The following UNC80 variants were observed in gnomAD, a reference collection of about 807,000 sequenced individuals.
UNC80 encodes the protein unc-80 subunit of NALCN channel complex.
Under a neutral mutation model 384.6 loss-of-function variants are expected in UNC80, and 164 were observed. The ratio of observed to expected loss-of-function variants is 0.43; its 90% CI spans 0.38 to 0.49. The LOEUF is 0.49. UNC80 is among the 20% of genes least tolerant of loss of function. The pLI, the probability that UNC80 is intolerant of heterozygous loss-of-function variation, is 0.00. For synonymous variants in UNC80, 1,486 were observed against 1,527.8 expected (o/e 0.97, Z 0.64); for missense variants, 3,330 against 4,143.0 (o/e 0.80, Z 5.39).
intron 28 of UNC80, among the ~76,000 whole-genome samples, chr2:209,902,610 T>A (rs931189285): frequency 4.6e-5 from 7 of 152,170 alleles, no homozygotes; most frequent in Non-Finnish European, 5.9e-5. Context: ...CTCTCATCAG[T>A]CAGCAGCCCT....
At chr2:209,944,336 C>T (rs1251738461) in intron 45 of UNC80, among the ~76,000 whole-genome samples, 1 of 152,120 alleles carries the variant, frequency 6.6e-6, no homozygotes, top group East Asian at 1.9e-4. Context: ...GAGATTTTAC[C>T]ACCATATCAC....
Position 209,997,939 on chromosome 2 carries a change from G to A in UNC80, c.*2344G>A, listed in dbSNP as rs2093506804. The A allele has an allele frequency of 6.6e-6, 1 of 151,760 alleles. No homozygotes were observed. The highest frequency in any genetic ancestry group is 2.4e-5 in the African/African-American group (1 of 41,266). The allele number at this position is 151,760 out of a possible 1,614,324, so 9.4% of individuals were successfully genotyped here. On this transcript the variant is annotated 3_prime_UTR_variant, in exon 65 of 65. Coordinates refer to ENST00000673920, the MANE Select transcript of UNC80 (RefSeq NM_001371986.1). ...AATACTGTTACCTGGAGTTTGAAAG[G>A]AATAACTATTAAAAAAAAAAGTTGG...
At position 209,772,013 on chromosome 2, in the gene UNC80, G is replaced by A; in HGVS notation, c.-60G>A. 1 of 1,284,740 alleles carries A rather than the reference G, an allele frequency of 7.8e-7. No homozygotes were observed. The highest frequency in any genetic ancestry group is 1.1e-6 in the Non-Finnish European group (1 of 907,208). The allele number at this position is 1,284,740 out of a possible 1,614,324, so 79.6% of individuals were successfully genotyped here. A position where few individuals can be genotyped will look rare whatever the true frequency, so the allele number is the denominator to read the frequency against. On this transcript the variant is annotated 5_prime_UTR_variant, in exon 1 of 65. Transcript: ENST00000673920. ...TTGGGAGCAGCGGGAGGAGGCGGCG[G>A]CGGCGGCTAGCGAGGAGACAGAGCT...
chr2:209,929,764 C>A (rs969623520), intron 36 of UNC80, 107 bp from the exon 37 acceptor site: 1 of 811,806 alleles, frequency 1.2e-6, no homozygotes, highest in South Asian at 2.0e-5. Flanking sequence ...TTCACAGAGC[C>A]TTTTAAGGCA....
chr2:209,895,866 A>G (rs1488448161), intron 27 of UNC80, among the ~76,000 whole-genome samples: 1 of 152,198 alleles, frequency 6.6e-6, no homozygotes, highest in Non-Finnish European at 1.5e-5. Flanking sequence ...TCTGGTAGCA[A>G]AGCCTGGTGG....
chr2:209,825,502 A>C lies in UNC80; in HGVS notation c.2332-405A>C, dbSNP rs183082425. ...CTCCAGACTTTGATCAGTTGCAGAA[A>C]CTTGGCAGTAATCCTTTCCTGGTGT... On this transcript the variant is annotated intron_variant, in intron 13 of 64. Coordinates refer to ENST00000673920, the MANE Select transcript of UNC80 (RefSeq NM_001371986.1). Among the ~76,000 whole-genome samples the C allele has an allele frequency of 5.3e-3, 804 of 152,304 alleles. 4 individuals are homozygous for C. Among genetic ancestry groups the C allele is most frequent in the Non-Finnish European group, 8.4e-3 (573 of 68,024 alleles).
chr2:209,813,031 A>G (rs929392662), intron 7 of UNC80, among the ~76,000 whole-genome samples: 1 of 152,198 alleles, frequency 6.6e-6, no homozygotes, highest in Non-Finnish European at 1.5e-5. Context: ...AGCATTTTGT[A>G]GCTTTTCCTT....
At chr2:209,812,880 T>A (rs888819489) in intron 7 of UNC80, among the ~76,000 whole-genome samples, 2 of 152,190 alleles carry the variant, frequency 1.3e-5, no homozygotes, top group African/African-American at 4.8e-5. Context: ...AATGAATATA[T>A]TATGTGTTCA....
intron 7 of UNC80, chr2:209,809,383 C>A: frequency 9.2e-7 from 1 of 1,083,820 alleles, no homozygotes; most frequent in Non-Finnish European, 1.4e-6. Context: ...GGGCCATGTC[C>A]GGACCCACAC....
At position 209,836,930 on chromosome 2, in the gene UNC80, C is replaced by T. The variant is rs568820173; in HGVS notation, c.3041+1920C>T. Among the ~76,000 whole-genome samples, 66 of 152,250 alleles carry T rather than the reference C, an allele frequency of 4.3e-4. 1 individual carries two copies. Among genetic ancestry groups the T allele is most frequent in the African/African-American group, 1.4e-3 (59 of 41,554 alleles). ...TATTGAGGAAATTGAGAAATTATAG[C>T]CTCCCCAGATGTTTTTCCAGCCAGA... On this transcript the variant is annotated intron_variant, in intron 18 of 64. Transcript: ENST00000673920.
At position 209,937,496 on chromosome 2, in the gene UNC80, T is replaced by A. The variant is rs561328034; in HGVS notation, c.6364-33T>A. ...AGAAAAGATGTTTAATCTTTTGAAC[T>A]CTTTTTTTTGTCTCTTTATGTAATC... On this transcript the variant is annotated intron_variant, in intron 41 of 64. Transcript: ENST00000673920. 3.9e-5 allele frequency: 56 copies of A among 1,442,538 alleles called. No homozygotes were observed. The South Asian group carries it at 6.8e-4, about 17-fold the overall frequency. 89.4% of individuals were successfully genotyped at this position (1,442,538 alleles called of 1,614,324 possible).
chr2:209,904,998 A>C, intron 29 of UNC80, 33 bp downstream of exon 29: 1 of 1,544,206 alleles, frequency 6.5e-7, no homozygotes, highest in Non-Finnish European at 8.8e-7. Flanking sequence ...ATATTCTAAT[A>C]CTAGAAACAT....
At position 209,902,035 on chromosome 2, in the gene UNC80, G is replaced by T. The variant is rs111954547; in HGVS notation, c.4582-2730G>T. Among the ~76,000 whole-genome samples, 267 of 152,182 alleles carry T rather than the reference G, an allele frequency of 1.8e-3. 1 individual carries two copies. Among genetic ancestry groups the T allele is most frequent in the African/African-American group, 6.2e-3 (259 of 41,508 alleles). ...AAGTAAATTGAAAGCTTCTGGAAAT[G>T]ACTCACCATTCTAGATGTCATTAAG... On this transcript the variant is annotated intron_variant, in intron 28 of 64. Transcript: ENST00000673920.
intron 7 of UNC80, among the ~76,000 whole-genome samples, chr2:209,806,127 A>G (rs2078880527): frequency 6.6e-6 from 1 of 152,210 alleles, no homozygotes; most frequent in Admixed American, 6.5e-5. Flanking sequence ...TAAACATATC[A>G]TAAAAACCAA....
intron 47 of UNC80, among the ~76,000 whole-genome samples, chr2:209,952,388 G>A (rs1011128507): frequency 2.0e-5 from 3 of 152,118 alleles, no homozygotes; most frequent in Non-Finnish European, 4.4e-5. Flanking sequence ...TTTAAAGTTG[G>A]GTTTCAGTCT....
At chr2:209,902,670 G>T (rs139865202) in intron 28 of UNC80, among the ~76,000 whole-genome samples, 6 of 152,170 alleles carry the variant, frequency 3.9e-5, no homozygotes, top group Admixed American at 3.9e-4. Context: ...CTTGCCAAAG[G>T]CTCAGGTGAT....
intron 7 of UNC80, among the ~76,000 whole-genome samples, chr2:209,799,410 T>C (rs749225576): frequency 1.3e-5 from 2 of 152,236 alleles, no homozygotes; most frequent in Non-Finnish European, 2.9e-5. Flanking sequence ...TTGTGATTTT[T>C]GCACATTGAT....
intron 18 of UNC80, among the ~76,000 whole-genome samples, chr2:209,837,333 A>G (rs2081394038): frequency 6.6e-6 from 1 of 152,220 alleles, no homozygotes; most frequent in South Asian, 2.1e-4. Flanking sequence ...TTACTGCAGT[A>G]ATATATGTTG....
chr2:209,934,113 AC>A, intron 39 of UNC80, 108 bp downstream of exon 39: 1 of 1,115,262 alleles, frequency 9.0e-7, no homozygotes, highest in Non-Finnish European at 1.2e-6. Context: ...CAGAGTTCTA[AC>A]CCCCAGTATT....
Sources: gnomAD v4.1 joint callset for allele counts (sites outside exome capture counted in the v4.1 genomes callset) on GRCh38, gnomAD v4.1.1 for gene constraint, MANE v1.5 for transcripts, NCBI Gene and HGNC (gene_info 2026-07-23, HGNC 2026-07-21) for gene names.